AKAP12: variants seen among roughly 807,000 people sequenced by gnomAD.
AKAP12 encodes A-kinase anchoring protein 12.
In AKAP12, 32 loss-of-function variants were observed where a neutral mutation model predicts 79.9. The observed-to-expected ratio is 0.40, with a 90% CI of 0.30 to 0.54. The LOEUF (loss-of-function observed/expected upper bound fraction) is 0.54. Among genes scored for constraint, AKAP12 ranks in the 20% least tolerant of loss-of-function variants. AKAP12 has a pLI of 0.48. For missense variants in AKAP12, 2,074 were observed against 2,177.0 expected, an observed-to-expected ratio of 0.95 and a Z score of 0.94; for synonymous variants, 808 against 857.0, an observed-to-expected ratio of 0.94 and a Z score of 1.00.
intron 2 of AKAP12, among the ~76,000 whole-genome samples, chr6:151,278,144 A>G (rs1242347248): frequency 6.6e-6 from 1 of 152,190 alleles, no homozygotes; most frequent in Non-Finnish European, 1.5e-5. Flanking sequence ...GAGGTCTATA[A>G]TTTATTAATG....
intron 3 of AKAP12, among the ~76,000 whole-genome samples, chr6:151,306,513 G>A (rs187475518): frequency 6.6e-6 from 1 of 152,280 alleles, no homozygotes; most frequent in East Asian, 1.9e-4. Context: ...AGGACCTTGA[G>A]CTCGTTGTTC....
intron 3 of AKAP12, among the ~76,000 whole-genome samples, chr6:151,342,877 C>T (rs572797054): frequency 1.3e-5 from 2 of 152,250 alleles, no homozygotes; most frequent in South Asian, 4.1e-4. Context: ...ATTCTCCTGC[C>T]TCAGCCTCCC....
chr6:151,316,455 A>G (rs1777236782), intron 3 of AKAP12, among the ~76,000 whole-genome samples: 1 of 152,150 alleles, frequency 6.6e-6, no homozygotes, highest in Admixed American at 6.6e-5. Flanking sequence ...AAACAACAGA[A>G]ATTTATTTTC....
chr6:151,327,616 T>C (rs1777563250), intron 3 of AKAP12, among the ~76,000 whole-genome samples: 1 of 152,220 alleles, frequency 6.6e-6, no homozygotes, highest in Non-Finnish European at 1.5e-5. Context: ...GGAGGTGGTC[T>C]AAAGTTTTAG....
chr6:151,279,777 T>A (rs1776360557), intron 2 of AKAP12, among the ~76,000 whole-genome samples: 1 of 151,774 alleles, frequency 6.6e-6, no homozygotes, highest in African/African-American at 2.4e-5. Context: ...GCCCAGGAGG[T>A]TGAGTCTGCA....
chr6:151,243,294 T>G (rs1187407523), intron 2 of AKAP12, among the ~76,000 whole-genome samples: 1 of 152,228 alleles, frequency 6.6e-6, no homozygotes, highest in East Asian at 1.9e-4. Flanking sequence ...CCTCCTTGGA[T>G]AGAATGTGGT....
chr6:151,349,553 T>C lies in AKAP12; in HGVS notation c.1162T>C (p.Ser388Pro). The C allele has an allele frequency of 1.9e-6, 3 of 1,611,512 alleles. No individual in the cohort carries two copies. The highest frequency in any genetic ancestry group is 2.5e-6 in the Non-Finnish European group (3 of 1,179,314). Reference sequence around the variant, plus strand: ...GCCCTCAGAGGAGCAAGTCAGTGGCTCGCAGGGACCTTCTGAAGAGAAACC... The same window carrying C: ...GCCCTCAGAGGAGCAAGTCAGTGGCCCGCAGGGACCTTCTGAAGAGAAACC... Reference protein sequence around the residue: ...ELPSEEQVSGSQGPSEEKPAP... With the variant: ...ELPSEEQVSGPQGPSEEKPAP... Residue 388 changes from serine (S) to proline (P), a missense_variant, in exon 4 of 5, where the codon TCG becomes CCG. Ser to Pro is a moderately conservative substitution (Grantham distance 74). Coordinates refer to ENST00000402676, the MANE Select transcript of AKAP12 (RefSeq NM_005100.4).
intron 2 of AKAP12, among the ~76,000 whole-genome samples, chr6:151,269,646 A>G (rs1198744314): frequency 1.3e-5 from 2 of 152,230 alleles, no homozygotes; most frequent in Admixed American, 6.5e-5. Flanking sequence ...TTTGCCTCCG[A>G]GCACTCTTCC....
chr6:151,288,820 G>A (rs1776558979), intron 2 of AKAP12, among the ~76,000 whole-genome samples: 1 of 152,194 alleles, frequency 6.6e-6, no homozygotes, highest in African/African-American at 2.4e-5. Context: ...TGGGGAACGA[G>A]GCCTGGTCTG....
At chr6:151,300,176 A>G (rs926558) in intron 2 of AKAP12, among the ~76,000 whole-genome samples, 30,890 of 152,062 alleles carry the variant, frequency 0.2, 3,848 homozygotes, top group East Asian at 0.56. Flanking sequence ...TTTCTTTACA[A>G]GTTTTGTCGT....
intron 2 of AKAP12, among the ~76,000 whole-genome samples, chr6:151,263,282 G>T (rs571069514): frequency 2.6e-5 from 4 of 152,062 alleles, no homozygotes; most frequent in African/African-American, 9.6e-5. Flanking sequence ...CAATCCCCCT[G>T]CCTTGGCCTC....
At chr6:151,247,073 G>A (rs1353235102) in intron 2 of AKAP12, among the ~76,000 whole-genome samples, 3 of 152,008 alleles carry the variant, frequency 2.0e-5, no homozygotes, top group African/African-American at 4.8e-5. Context: ...GATTACAGGT[G>A]TGAGCCCCCA....
Position 151,263,744 on chromosome 6 carries a change from A to G in AKAP12, c.162+23020A>G, listed in dbSNP as rs1221898979. On this transcript the variant is annotated intron_variant, in intron 2 of 4. Coordinates refer to ENST00000402676, the MANE Select transcript of AKAP12 (RefSeq NM_005100.4). The stretch of plus-strand genomic sequence containing the variant: ...CAGGCATCCGCACCCACACCTGGCT[A>G]ATTTTTGTATTTTTAGTAGAGACAG... Among the ~76,000 whole-genome samples the G allele has an allele frequency of 2.0e-5, 3 of 152,008 alleles. No homozygotes were observed. The East Asian group carries it at 5.8e-4, about 29-fold the overall frequency.
At chr6:151,254,353 A>G (rs1014884681) in intron 2 of AKAP12, among the ~76,000 whole-genome samples, 8 of 114,672 alleles carry the variant, frequency 7.0e-5, no homozygotes, top group African/African-American at 2.0e-4. Context: ...GCAGTTTTAG[A>G]TTAGTCTTTT....
intron 2 of AKAP12, among the ~76,000 whole-genome samples, chr6:151,295,820 G>A (rs910625585): frequency 1.3e-5 from 2 of 152,166 alleles, no homozygotes; most frequent in African/African-American, 4.8e-5. Context: ...AGTGCAGTAG[G>A]ACACGTGGGG....
At position 151,240,678 on chromosome 6, in the gene AKAP12, A is replaced by G; in HGVS notation, c.116A>G (p.Asp39Gly). 1 of 1,256,038 alleles carries G rather than the reference A, an allele frequency of 8.0e-7. No individual in the cohort carries two copies. The highest frequency in any genetic ancestry group is 1.0e-6 in the Non-Finnish European group (1 of 1,000,946). 77.8% of individuals were successfully genotyped at this position (1,256,038 alleles called of 1,614,324 possible). ...GGGPSAEAAP[D>G]TTADPAIAAS... ...GGCCCCTCGGCCGAGGCGGCGCCAG[A>G]CACCACCGCGGACCCCGCCATCGCT... Residue 39 changes from aspartate to glycine, a missense_variant, in exon 2 of 5, where the codon GAC (aspartate) becomes GGC (glycine). Transcript: ENST00000402676.
intron 2 of AKAP12, among the ~76,000 whole-genome samples, chr6:151,246,218 A>G (rs1393916593): frequency 6.6e-6 from 1 of 152,190 alleles, no homozygotes; most frequent in East Asian, 1.9e-4. Context: ...GGAGTTCGAG[A>G]CCAGCCTGGC....
chr6:151,354,616 C>T (rs1239524035), intron 4 of AKAP12, among the ~76,000 whole-genome samples: 1 of 152,142 alleles, frequency 6.6e-6, no homozygotes, highest in Non-Finnish European at 1.5e-5. Context: ...TCGTGATCCG[C>T]CCGCCTTGGC....
intron 4 of AKAP12, among the ~76,000 whole-genome samples, chr6:151,355,030 C>CT (rs1303814215): frequency 3.3e-5 from 5 of 152,094 alleles, no homozygotes; most frequent in Admixed American, 2.0e-4. Context: ...GAGTCTCACT[C>CT]TGTCACCCCG....
Sources: allele counts gnomAD v4.1 joint callset (sites outside exome capture counted in the v4.1 genomes callset), GRCh38; gene constraint gnomAD v4.1.1; transcripts MANE v1.5; gene names NCBI Gene and HGNC (gene_info 2026-07-23, HGNC 2026-07-21).